The following HIPK3 variants were observed in gnomAD, a reference collection of about 807,000 sequenced individuals.
HIPK3 encodes the protein homeodomain-interacting protein kinase 3.
A neutral mutation model predicts 124.2 loss-of-function variants in HIPK3; 47 were observed. The ratio of observed to expected loss-of-function variants is 0.38; its 90% CI spans 0.30 to 0.48. The LOEUF (loss-of-function observed/expected upper bound fraction) is 0.48, where lower values mean the gene tolerates loss of function less well. HIPK3 is among the 20% of genes least tolerant of loss of function. HIPK3 has a pLI of 0.98. For synonymous variants in HIPK3, 482 were observed against 515.2 expected (o/e 0.94, Z 0.87); for missense variants, 1,286 against 1,454.3 (o/e 0.88, Z 1.88).
At chr11:33,325,139 T>A (rs991942865) in intron 2 of HIPK3, among the ~76,000 whole-genome samples, 2 of 152,246 alleles carry the variant, frequency 1.3e-5, no homozygotes, top group Admixed American at 6.5e-5. Flanking sequence ...GTTGTCACCA[T>A]CAGTTAGAAA....
chr11:33,295,656 T>C (rs4755562), intron 2 of HIPK3, among the ~76,000 whole-genome samples: 49,799 of 152,140 alleles, frequency 0.33, 9,151 homozygotes, highest in Middle Eastern at 0.46. Flanking sequence ...TACTGGCCAG[T>C]TATTTTGTAG....
chr11:33,296,886 T>C (rs1851856168), intron 2 of HIPK3, among the ~76,000 whole-genome samples: 1 of 152,172 alleles, frequency 6.6e-6, no homozygotes, highest in Non-Finnish European at 1.5e-5. Context: ...ATCTCATGTC[T>C]CTTGCTTTAA....
rs760486342 is a variant in HIPK3 at position 33,348,673 on chromosome 11, A to G, written c.2521A>G (p.Ile841Val). ...GGCAAGAAATTGCTGTGAAACATCT[A>G]TCAGACAGGACTCTGATTCATCAGT... The part of the protein sequence containing the change: ...GEARNCCETS[I>V]RQDSDSSVSD... Residue 841 changes from isoleucine (I) to valine (V), a missense_variant, in exon 13 of 17, where the codon ATC (isoleucine) becomes GTC (valine). Ile to Val is a conservative substitution (Grantham distance 29, BLOSUM62 3). Around this residue, in one of 3 missense-constraint regions of HIPK3, gnomAD observed 810 missense variants for 864.9 expected, o/e 0.94. Coordinates refer to ENST00000303296, the MANE Select transcript of HIPK3 (RefSeq NM_005734.5). The G allele has an allele frequency of 6.2e-7, 1 of 1,614,206 alleles. No homozygotes were observed.
intron 3 of HIPK3, among the ~76,000 whole-genome samples, chr11:33,330,596 G>C (rs570550314): frequency 3.3e-5 from 5 of 152,244 alleles, no homozygotes; most frequent in African/African-American, 1.2e-4. Context: ...CAAAGTGTTG[G>C]GATTACAGGC....
chr11:33,297,778 C>CTTTATT (rs1851881928), intron 2 of HIPK3, among the ~76,000 whole-genome samples: 2 of 81,986 alleles, frequency 2.4e-5, no homozygotes, highest in Non-Finnish European at 4.9e-5. Context: ...AAAGAACAGG[C>CTTTATT]TTTTTTTTTT....
chr11:33,305,858 T>TA (rs1427754696), intron 2 of HIPK3, among the ~76,000 whole-genome samples: 10 of 152,166 alleles, frequency 6.6e-5, no homozygotes, highest in East Asian at 1.9e-4. Context: ...TTTTTATTTT[T>TA]TTTTTGGAGA....
At chr11:33,338,081 C>T (rs1316810498) in intron 4 of HIPK3, among the ~76,000 whole-genome samples, 3 of 152,166 alleles carry the variant, frequency 2.0e-5, no homozygotes, top group African/African-American at 4.8e-5. Context: ...ATGTGTATAA[C>T]TACATTTGTG....
intron 1 of HIPK3, among the ~76,000 whole-genome samples, chr11:33,273,842 A>G (rs912329131): frequency 1.3e-5 from 2 of 152,186 alleles, no homozygotes; most frequent in Non-Finnish European, 2.9e-5. Flanking sequence ...TGAAAGTACT[A>G]TACTCAAGCT....
intron 1 of HIPK3, among the ~76,000 whole-genome samples, chr11:33,262,166 G>C (rs1850843649): frequency 6.6e-6 from 1 of 152,186 alleles, no homozygotes; most frequent in South Asian, 2.1e-4. Context: ...AGGCTTTTAG[G>C]ATAGTCAGTA....
intron 2 of HIPK3, among the ~76,000 whole-genome samples, chr11:33,302,339 C>CTTTTTTTTTTTTTTTTTTTTTTTTTT (rs374964013): frequency 2.5e-5 from 3 of 121,140 alleles, no homozygotes; most frequent in African/African-American, 5.9e-5. Context: ...TAATTCCTTA[C>CTTTTTTTTTTTTTTTTTTTTTTTTTT]TTCTTTTTTT....
At chr11:33,326,900 G>A (rs1253118886) in intron 2 of HIPK3, among the ~76,000 whole-genome samples, 1 of 151,934 alleles carries the variant, frequency 6.6e-6, no homozygotes, top group East Asian at 1.9e-4. Flanking sequence ...AGGCTGATCT[G>A]GAACTCTTGG....
chr11:33,261,911 C>A (rs772438731), intron 1 of HIPK3, among the ~76,000 whole-genome samples: 13 of 152,122 alleles, frequency 8.5e-5, no homozygotes, highest in Non-Finnish European at 1.2e-4. Flanking sequence ...AATAGCCACT[C>A]TGACTGGTGT....
chr11:33,322,489 G>A (rs1218698607), intron 2 of HIPK3, among the ~76,000 whole-genome samples: 1 of 152,172 alleles, frequency 6.6e-6, no homozygotes, highest in African/African-American at 2.4e-5. Flanking sequence ...AATCATAAAG[G>A]CTGTTGCACT....
At chr11:33,288,319 G>A (rs968249229) in intron 2 of HIPK3, among the ~76,000 whole-genome samples, 2 of 152,108 alleles carry the variant, frequency 1.3e-5, no homozygotes, top group Non-Finnish European at 2.9e-5. Context: ...GCTGGGTGTG[G>A]TGGTGGGTGT....
At chr11:33,282,625 G>C (rs1851441167) in intron 1 of HIPK3, among the ~76,000 whole-genome samples, 1 of 152,092 alleles carries the variant, frequency 6.6e-6, no homozygotes, top group Non-Finnish European at 1.5e-5. Flanking sequence ...GGAGATTGCA[G>C]TGAGCTGAAA....
chr11:33,313,242 C>G (rs1852400934), intron 2 of HIPK3, among the ~76,000 whole-genome samples: 1 of 152,116 alleles, frequency 6.6e-6, no homozygotes, highest in Non-Finnish European at 1.5e-5. Context: ...ATGAAAACCA[C>G]AGAAATACCA....
At chr11:33,295,929 A>G (rs759562494) in intron 2 of HIPK3, among the ~76,000 whole-genome samples, 1 of 152,192 alleles carries the variant, frequency 6.6e-6, no homozygotes, top group Non-Finnish European at 1.5e-5. Flanking sequence ...CTTTGAGACT[A>G]TTCACACGTA....
At chr11:33,314,578 C>T (rs1296013391) in intron 2 of HIPK3, among the ~76,000 whole-genome samples, 1 of 152,134 alleles carries the variant, frequency 6.6e-6, no homozygotes, top group Non-Finnish European at 1.5e-5. Flanking sequence ...ATTGCTTGAA[C>T]CCGGCAGGCA....
intron 2 of HIPK3, among the ~76,000 whole-genome samples, chr11:33,293,481 C>A (rs1005340006): frequency 2.6e-5 from 4 of 151,392 alleles, no homozygotes; most frequent in East Asian, 2.0e-4. Context: ...CTGTGTAGAT[C>A]ATCTATTCTG....
Sources: gnomAD v4.1 joint callset for allele counts (sites outside exome capture counted in the v4.1 genomes callset) on GRCh38, gnomAD v4.1.1 for gene constraint, gnomAD v4.1.1 regional missense constraint, MANE v1.5 for transcripts, NCBI Gene and HGNC (gene_info 2026-07-23, HGNC 2026-07-21) for gene names.